B4GALNT3: variants seen among roughly 807,000 people sequenced by gnomAD.
B4GALNT3 encodes the protein beta-1,4-N-acetylgalactosaminyltransferase 3.
Under a neutral mutation model 120.2 loss-of-function variants are expected in B4GALNT3, and 86 were observed. That is an observed-to-expected ratio of 0.72 (90% CI 0.60 to 0.86). The LOEUF is 0.86. Among genes scored for constraint, B4GALNT3 ranks in the 40% least tolerant of loss-of-function variants. B4GALNT3 has a pLI of 0.00. For missense variants in B4GALNT3, 1,167 were observed against 1,298.9 expected, an observed-to-expected ratio of 0.90 and a Z score of 1.56; for synonymous variants, 518 against 510.4, an observed-to-expected ratio of 1.01 and a Z score of -0.20.
intron 1 of B4GALNT3, among the ~76,000 whole-genome samples, chr12:500,865 C>CTTTTTTTTT (rs55927726): frequency 0.015 from 910 of 61,770 alleles, 255 homozygotes; most frequent in Admixed American, 0.018. Context: ...GGCTCCACTG[C>CTTTTTTTTT]TTTTTTTTTT....
Position 548,021 on chromosome 12 carries a change from C to T in B4GALNT3, c.708-3C>T, listed in dbSNP as rs766268825. On this transcript the variant is annotated splice_polypyrimidine_tract_variant and splice_region_variant and intron_variant, in intron 7 of 19. Coordinates refer to ENST00000266383, the MANE Select transcript of B4GALNT3 (RefSeq NM_173593.4). The surrounding 1 kb of genome is among the most constrained non-coding windows in gnomAD (Gnocchi z 4.9). ...TCTGCTTCCCTGCCCTCTCTCCCGC[C>T]AGCCTGTCAGCCTCCCACAGGTACT... 4.3e-6 allele frequency: 7 copies of T among 1,613,838 alleles called. No individual in the cohort carries two copies. The highest frequency in any genetic ancestry group is 2.2e-5 in the East Asian group (1 of 44,870).
chr12:559,222 C>T lies in B4GALNT3; in HGVS notation c.2762-73C>T, dbSNP rs986537785. ...ACTTTCAGAAGAGCCTCTAGGCACA[C>T]AGCCTGGAAGCCTCCTTCCTTCCTC... On this transcript the variant is annotated intron_variant, in intron 18 of 19. Coordinates refer to ENST00000266383, the MANE Select transcript of B4GALNT3 (RefSeq NM_173593.4). The T allele has an allele frequency of 2.6e-5, 41 of 1,590,512 alleles. No individual in the cohort carries two copies. The Admixed American group carries it at 6.1e-4, about 24-fold the overall frequency.
chr12:491,951 G>A (rs1005241091), intron 1 of B4GALNT3, among the ~76,000 whole-genome samples: 4 of 151,556 alleles, frequency 2.6e-5, no homozygotes, highest in African/African-American at 4.8e-5. Flanking sequence ...CCAGCTACTC[G>A]GGAGGCTGAG....
chr12:471,214 C>CCG, intron 1 of B4GALNT3, among the ~76,000 whole-genome samples: 1 of 150,210 alleles, frequency 6.7e-6, no homozygotes, highest in Non-Finnish European at 1.5e-5. Context: ...TGGCAAAACC[C>CCG]TGTCTACTAA....
At chr12:560,751 G>A (rs1353234899) in intron 19 of B4GALNT3, among the ~76,000 whole-genome samples, 1 of 152,180 alleles carries the variant, frequency 6.6e-6, no homozygotes, top group Non-Finnish European at 1.5e-5. Context: ...CTCCTGTACA[G>A]CCCTGAACCT....
At chr12:525,086 TTTTATTTA>T (rs575604135) in intron 1 of B4GALNT3, among the ~76,000 whole-genome samples, 17 of 130,532 alleles carry the variant, frequency 1.3e-4, no homozygotes, top group Admixed American at 5.4e-4. Flanking sequence ...AATAACACAA[TTTTATTTA>T]TTTATTTATT....
Position 460,409 on chromosome 12 carries a change from G to A in B4GALNT3, c.33G>A (p.Leu11=), listed in dbSNP as rs1265216658. Residue 11 remains leucine (L), a synonymous_variant, in exon 1 of 20, where the codon CTG becomes CTA. Transcript: ENST00000266383. The surrounding 1 kb of genome is among the most constrained non-coding windows in gnomAD (Gnocchi z 8.0). MGSPRAARPP[L]LLRPVKLLRR... ...GCCCCCGGGCCGCGCGGCCCCCGCT[G>A]CTCCTGCGCCCGGTGAAGCTGCTGC... is the stretch of plus-strand genomic sequence containing the variant. 6.6e-7 allele frequency: 1 copy of A among 1,517,494 alleles called. No individual in the cohort carries two copies. The highest frequency in any genetic ancestry group is 2.2e-4 in the Middle Eastern group (1 of 4,476). The allele number at this position is 1,517,494 out of a possible 1,614,324, so 94.0% of individuals were successfully genotyped here. A position where few individuals can be genotyped will look rare whatever the true frequency, so the allele number is the denominator to read the frequency against.
At chr12:529,281 A>T (rs1484054214) in intron 1 of B4GALNT3, among the ~76,000 whole-genome samples, 1 of 152,110 alleles carries the variant, frequency 6.6e-6, no homozygotes, top group Non-Finnish European at 1.5e-5. Context: ...GTTGGCATTC[A>T]TGAGTTGCCT....
chr12:496,657 G>A (rs934091453), intron 1 of B4GALNT3, among the ~76,000 whole-genome samples: 3 of 151,992 alleles, frequency 2.0e-5, no homozygotes, highest in African/African-American at 4.8e-5. Context: ...ATACAATGTT[G>A]TACCACCGTC....
At chr12:463,963 A>G (rs990540277) in intron 1 of B4GALNT3, among the ~76,000 whole-genome samples, 1 of 152,236 alleles carries the variant, frequency 6.6e-6, no homozygotes, top group African/African-American at 2.4e-5. Flanking sequence ...ATACGGCAGC[A>G]TTGTAGAATG....
At position 536,224 on chromosome 12, in the gene B4GALNT3, G is replaced by A. The variant is rs747558794; in HGVS notation, c.280G>A (p.Asp94Asn). Residue 94 changes from aspartate (D) to asparagine (N), a missense_variant, in exon 3 of 20, where the codon GAC becomes AAC. Coordinates refer to ENST00000266383, the MANE Select transcript of B4GALNT3 (RefSeq NM_173593.4). Reference protein sequence around the residue: ...HPQRLSLEDHDIDQGVSSNSS... With the variant: ...HPQRLSLEDHNIDQGVSSNSS... ...TTCTTCATTCTTCCCCTAGGACCACGACATTGACCAAGGGGTGAGCAGTAA... is the reference window on the plus strand; with the variant it reads ...TTCTTCATTCTTCCCCTAGGACCACAACATTGACCAAGGGGTGAGCAGTAA... 9.3e-6 allele frequency: 15 copies of A among 1,613,916 alleles called. No individual in the cohort carries two copies. The highest frequency in any genetic ancestry group is 6.6e-5 in the South Asian group (6 of 91,072).
In B4GALNT3 at chr12:472,976, CTTTTT is replaced by C. The variant is rs71439341; in HGVS notation, c.169+12447_169+12451del. Among the ~76,000 whole-genome samples the C allele has an allele frequency of 8.9e-3, 1,308 of 146,652 alleles. 19 individuals are homozygous for C. Among genetic ancestry groups the C allele is most frequent in the African/African-American group, 0.027 (1,042 of 39,252 alleles). On this transcript the variant is annotated intron_variant, in intron 1 of 19. Coordinates refer to ENST00000266383, the MANE Select transcript of B4GALNT3 (RefSeq NM_173593.4). ...GATTTGTACTTTAATTGTTCAAACA[CTTTTT>C]TTTTTTTTTTTTTTTGGATACAGAA...
chr12:535,144 C>T, intron 1 of B4GALNT3, 22 bp from the exon 2 acceptor site: 1 of 1,597,866 alleles, frequency 6.3e-7, no homozygotes, highest in Non-Finnish European at 8.6e-7. Context: ...GACCTGAGGG[C>T]TCCTCTCTTC....
At position 550,561 on chromosome 12, in the gene B4GALNT3, G is replaced by A. The variant is rs1337722457; in HGVS notation, c.998-361G>A. On this transcript the variant is annotated intron_variant, in intron 10 of 19. Transcript: ENST00000266383. This position sits in a 1 kb window ranked among gnomAD's most constrained non-coding sequence, Gnocchi z 4.1. Reference sequence around the variant, plus strand: ...CCCTCTCAAAAAAATGACAACTGACGCTAAGGGGATGTTCAGCCCATGGTA... The same window carrying A: ...CCCTCTCAAAAAAATGACAACTGACACTAAGGGGATGTTCAGCCCATGGTA... 6.6e-6 allele frequency among the ~76,000 whole-genome samples: 1 copy of A among 152,118 alleles called. No homozygotes were observed. Among genetic ancestry groups the A allele is most frequent in the Non-Finnish European group, 1.5e-5 (1 of 68,014 alleles).
intron 1 of B4GALNT3, among the ~76,000 whole-genome samples, chr12:468,931 G>T (rs1304614020): frequency 2.6e-5 from 4 of 152,160 alleles, no homozygotes; most frequent in Non-Finnish European, 5.9e-5. Flanking sequence ...AGAGAGAGGT[G>T]GGAGTGGAAA....
At chr12:505,375 A>G (rs1303479737) in intron 1 of B4GALNT3, among the ~76,000 whole-genome samples, 1 of 152,206 alleles carries the variant, frequency 6.6e-6, no homozygotes, top group African/African-American at 2.4e-5. Context: ...CAGCAGCATC[A>G]GCGGCTCTTA....
rs61163614 is a variant in B4GALNT3, at chr12:527,105, T to C, written c.170-8061T>C. Among the ~76,000 whole-genome samples, 214 of 152,220 alleles carry C rather than the reference T, an allele frequency of 1.4e-3. 1 individual carries two copies. Among genetic ancestry groups the C allele is most frequent in the African/African-American group, 5.1e-3 (210 of 41,526 alleles). On this transcript the variant is annotated intron_variant, in intron 1 of 19. Coordinates refer to ENST00000266383, the MANE Select transcript of B4GALNT3 (RefSeq NM_173593.4). The stretch of plus-strand genomic sequence containing the variant: ...TTTTTGTTTTGTTTTGTTTTGTTTT[T>C]TTTAAAGAAACGAGGTTTCACCATG...
chr12:512,605 C>T (rs1435699370), intron 1 of B4GALNT3, among the ~76,000 whole-genome samples: 2 of 144,836 alleles, frequency 1.4e-5, no homozygotes, highest in Admixed American at 6.8e-5. Flanking sequence ...TTCCACCTTC[C>T]ACCTTCCACC....
intron 3 of B4GALNT3, 49 bp from the exon 4 acceptor site, chr12:544,290 G>C: frequency 1.9e-6 from 3 of 1,564,246 alleles, no homozygotes; most frequent in Non-Finnish European, 2.6e-6. Flanking sequence ...GATCTGGGGC[G>C]GGCATGGGGT....
Sources: gnomAD v4.1 joint callset for allele counts (sites outside exome capture counted in the v4.1 genomes callset) on GRCh38, gnomAD v4.1.1 for gene constraint, Gnocchi (gnomAD v3.1) non-coding constraint, MANE v1.5 for transcripts, NCBI Gene and HGNC (gene_info 2026-07-23, HGNC 2026-07-21) for gene names.